The following DLGAP2 variants were observed in gnomAD, a reference collection of about 807,000 sequenced individuals.
The protein encoded by DLGAP2 is disks large-associated protein 2.
Under a neutral mutation model 100.3 loss-of-function variants are expected in DLGAP2, and 26 were observed. The ratio of observed to expected loss-of-function variants is 0.26; its 90% CI spans 0.19 to 0.36. The LOEUF (loss-of-function observed/expected upper bound fraction) is 0.36, where lower values mean the gene tolerates loss of function less well. Ranked by LOEUF, DLGAP2 falls within the 10% of genes least tolerant of loss-of-function variation. The pLI is 1.00. For missense variants in DLGAP2, 1,858 were observed against 1,453.2 expected, an observed-to-expected ratio of 1.28 and a Z score of -4.53; for synonymous variants, 886 against 630.1, an observed-to-expected ratio of 1.41 and a Z score of -6.08.
chr8:1,570,356 C>T (rs1398239797), intron 6 of DLGAP2, among the ~76,000 whole-genome samples: 2 of 152,382 alleles, frequency 1.3e-5, no homozygotes, highest in East Asian at 3.9e-4. Context: ...CCATTACGCA[C>T]AGCCCTTTCA....
rs1585047876 is a variant in DLGAP2, at chr8:1,668,924, T to C, written c.2160+246T>C. Reference sequence around the variant, plus strand: ...CTGAAGGAAACCCAGGGGTTCCAGCTCCCTGTCCCCTGCCACCCTGAAAAT... The same window carrying C: ...CTGAAGGAAACCCAGGGGTTCCAGCCCCCTGTCCCCTGCCACCCTGAAAAT... On this transcript the variant is annotated intron_variant, in intron 9 of 14. Transcript: ENST00000637795. Among the ~76,000 whole-genome samples the C allele has an allele frequency of 2.7e-5, 4 of 148,850 alleles. No individual in the cohort carries two copies. The South Asian group carries it at 8.5e-4, about 32-fold the overall frequency.
chr8:1,449,254 T>G (rs1246333018), intron 3 of DLGAP2, among the ~76,000 whole-genome samples: 1 of 152,220 alleles, frequency 6.6e-6, no homozygotes, highest in Admixed American at 6.5e-5. Context: ...AATGAAGTCC[T>G]CACCCTGGTG....
chr8:1,463,534 G>A (rs944280929), intron 3 of DLGAP2, among the ~76,000 whole-genome samples: 13 of 152,226 alleles, frequency 8.5e-5, no homozygotes, highest in African/African-American at 1.2e-4. Flanking sequence ...TTCCCAGGAC[G>A]CTCCTGCCCC....
At chr8:1,392,925 T>C (rs531893557) in intron 3 of DLGAP2, among the ~76,000 whole-genome samples, 207 of 130,938 alleles carry the variant, frequency 1.6e-3, no homozygotes, top group African/African-American at 5.9e-3. Flanking sequence ...TGACTCTTTT[T>C]TTACAACTAT....
intron 3 of DLGAP2, among the ~76,000 whole-genome samples, chr8:1,343,212 A>G (rs754241681): frequency 2.8e-4 from 42 of 152,208 alleles, no homozygotes; most frequent in Middle Eastern, 6.3e-3. Flanking sequence ...TAGCACAGCA[A>G]AAGGGCACCG....
At chr8:1,379,957 TG>T (rs978847593) in intron 3 of DLGAP2, among the ~76,000 whole-genome samples, 19 of 150,414 alleles carry the variant, frequency 1.3e-4, no homozygotes, top group African/African-American at 4.1e-4. Flanking sequence ...TCCTGCTCGG[TG>T]GGGGCCTGCT....
chr8:964,511 C>T (rs1420946574), intron 2 of DLGAP2, among the ~76,000 whole-genome samples: 1 of 152,244 alleles, frequency 6.6e-6, no homozygotes, highest in Non-Finnish European at 1.5e-5. Flanking sequence ...TGCCTATCTC[C>T]AGGTTCAGCT....
intron 4 of DLGAP2, among the ~76,000 whole-genome samples, chr8:1,513,233 A>C (rs1252612057): frequency 7.0e-6 from 1 of 142,690 alleles, no homozygotes; most frequent in Non-Finnish European, 1.5e-5. Flanking sequence ...TGCCTTTCCC[A>C]GTGCAGGGCA....
chr8:1,066,766 G>A (rs1327277797), intron 2 of DLGAP2, among the ~76,000 whole-genome samples: 2 of 152,232 alleles, frequency 1.3e-5, no homozygotes, highest in Admixed American at 6.5e-5. Context: ...CGGCACCTCC[G>A]TCCCTGCTGT....
rs141713472 is a variant in DLGAP2, at chr8:964,535, G to T, written c.73+56569G>T. Among the ~76,000 whole-genome samples, 19 of 152,354 alleles carry T rather than the reference G, an allele frequency of 1.2e-4. No individual in the cohort carries two copies. The East Asian group carries it at 3.5e-3, about 28-fold the overall frequency. Reference sequence around the variant, plus strand: ...CCAGGTTCAGCTGTTTATTTGAAACGTAAACAGAGTCCTTGGGAAATGTTG... The same window carrying T: ...CCAGGTTCAGCTGTTTATTTGAAACTTAAACAGAGTCCTTGGGAAATGTTG... On this transcript the variant is annotated intron_variant, in intron 2 of 14. Coordinates refer to ENST00000637795, the MANE Select transcript of DLGAP2 (RefSeq NM_001346810.2).
At chr8:1,691,078 G>A (rs1782762138) in intron 12 of DLGAP2, among the ~76,000 whole-genome samples, 1 of 152,148 alleles carries the variant, frequency 6.6e-6, no homozygotes. Context: ...TCCAATGAGA[G>A]AACCCATATG....
chr8:1,501,546 G>A, intron 4 of DLGAP2, 115 bp downstream of exon 4: 3 of 1,081,396 alleles, frequency 2.8e-6, no homozygotes, highest in Non-Finnish European at 3.9e-6. Flanking sequence ...GTTTAGAAAG[G>A]GAGCTAAGAA....
rs183470161 is a variant in DLGAP2, at chr8:1,003,989, A to G, written c.73+96023A>G. ...CAGTGCCAGGAATATATTTATTTCA[A>G]TTCTTTTTTACCATTTTTTTTATTC... On this transcript the variant is annotated intron_variant, in intron 2 of 14. Coordinates refer to ENST00000637795, the MANE Select transcript of DLGAP2 (RefSeq NM_001346810.2). Among the ~76,000 whole-genome samples the G allele has an allele frequency of 1.1e-4, 16 of 152,302 alleles. No homozygotes were observed. The East Asian group carries it at 2.1e-3, about 20-fold the overall frequency.
chr8:1,419,205 C>CGTGT (rs59073892), intron 3 of DLGAP2, among the ~76,000 whole-genome samples: 2,208 of 73,756 alleles, frequency 0.03, 73 homozygotes, highest in African/African-American at 0.098. Context: ...CTGATGCGTG[C>CGTGT]GTGTGTGTGT....
chr8:1,054,668 T>A (rs190628219), intron 2 of DLGAP2, among the ~76,000 whole-genome samples: 1 of 152,312 alleles, frequency 6.6e-6, no homozygotes, highest in Non-Finnish European at 1.5e-5. Flanking sequence ...ACTGCTTAAT[T>A]TAAATAAAAC....
At chr8:973,800 C>T (rs969896356) in intron 2 of DLGAP2, among the ~76,000 whole-genome samples, 16 of 151,178 alleles carry the variant, frequency 1.1e-4, no homozygotes, top group African/African-American at 2.9e-4. Flanking sequence ...AGCGCGAATC[C>T]GGGGCTCGGG....
intron 8 of DLGAP2, among the ~76,000 whole-genome samples, chr8:1,649,690 C>T (rs114774121): frequency 6.6e-6 from 1 of 152,052 alleles, no homozygotes; most frequent in African/African-American, 2.4e-5. Flanking sequence ...GAAAAATACT[C>T]CTTTCTAAAA....
At chr8:1,348,082 G>A (rs1049839361) in intron 3 of DLGAP2, among the ~76,000 whole-genome samples, 2 of 151,402 alleles carry the variant, frequency 1.3e-5, no homozygotes, top group Non-Finnish European at 2.9e-5. Context: ...TAACTGTCTG[G>A]AGGCTGAGTT....
intron 2 of DLGAP2, among the ~76,000 whole-genome samples, chr8:1,208,234 C>G (rs1419334139): frequency 6.6e-6 from 1 of 152,082 alleles, no homozygotes; most frequent in Admixed American, 6.6e-5. Context: ...TGGGTTGATT[C>G]TTGTATAAGG....
Sources: gnomAD v4.1 joint callset for allele counts (sites outside exome capture counted in the v4.1 genomes callset) on GRCh38, gnomAD v4.1.1 for gene constraint, MANE v1.5 for transcripts, NCBI Gene and HGNC (gene_info 2026-07-23, HGNC 2026-07-21) for gene names.